The following RALGDS variants were observed in gnomAD, a reference collection of about 807,000 sequenced individuals.
RALGDS encodes ral guanine nucleotide exchange factor.
Under a neutral mutation model 99.8 loss-of-function variants are expected in RALGDS, and 44 were observed. The ratio of observed to expected loss-of-function variants is 0.44; its 90% confidence interval spans 0.35 to 0.57. The LOEUF is 0.57. Ranked by LOEUF, RALGDS falls within the 20% of genes least tolerant of loss-of-function variation. The pLI is 0.01. For synonymous variants in RALGDS, 529 were observed against 505.0 expected (o/e 1.05, Z -0.64); for missense variants, 1,022 against 1,203.1 (o/e 0.85, Z 2.23).
chr9:133,148,845 C>T, intron 1 of RALGDS: 1 of 1,315,072 alleles, frequency 7.6e-7, no homozygotes. Context: ...CGCGGAGCTG[C>T]GTAAGCGCAC....
chr9:133,110,194 C>G (rs534687432), intron 3 of RALGDS, 102 bp downstream of exon 3: 1 of 1,223,576 alleles, frequency 8.2e-7, no homozygotes, highest in Non-Finnish European at 1.2e-6. Context: ...ATGAGCAAAG[C>G]GAGGCTCAGA....
intron 1 of RALGDS, among the ~76,000 whole-genome samples, chr9:133,143,773 ACAACAACAACAAC>A (rs1312627643): frequency 1.0e-5 from 1 of 98,720 alleles, no homozygotes; most frequent in African/African-American, 5.9e-5. Context: ...AATAATAATA[ACAACAACAACAAC>A]AATAATAATA....
exon 1 of RALGDS, chr9:133,149,091 G>T: frequency 1.3e-6 from 1 of 748,838 alleles, no homozygotes; most frequent in Non-Finnish European, 1.7e-6. Flanking sequence ...CGGGGCTCAT[G>T]GCGCGGCCTC....
intron 14 of RALGDS, 123 bp from the exon 15 acceptor site, chr9:133,102,262 C>G: frequency 1.7e-6 from 2 of 1,180,002 alleles, no homozygotes; most frequent in Non-Finnish European, 2.4e-6. Flanking sequence ...CTCCATTCAC[C>G]ACAGCCATCT....
chr9:133,129,513 C>T (rs553214), intron 1 of RALGDS: 372,147 of 1,250,248 alleles, frequency 0.3, 58,241 homozygotes, highest in East Asian at 0.56. Context: ...CAGCCGAGGA[C>T]GAGTGGAGAG....
At chr9:133,099,635 T>TAAAC (rs1246210459) in intron 17 of RALGDS, 1 of 13,028 alleles carries the variant, frequency 7.7e-5, no homozygotes, top group African/African-American at 1.1e-4. Context: ...TGCATATATA[T>TAAAC]ACACATATAT....
chr9:133,131,535 C>T (rs190534287), upstream of RALGDS, among the ~76,000 whole-genome samples: 201 of 152,130 alleles, frequency 1.3e-3, no homozygotes, highest in Non-Finnish European at 2.4e-3. Flanking sequence ...CAGGACTCGG[C>T]CCCCAGTCAG....
At chr9:133,104,174 C>T (rs1364440265) in intron 10 of RALGDS, 89 bp downstream of exon 10, 3 of 1,362,040 alleles carry the variant, frequency 2.2e-6, no homozygotes, top group South Asian at 1.2e-5. Flanking sequence ...TCTAATGGGG[C>T]CCATAGGCAC....
intron 7 of RALGDS, 130 bp downstream of exon 7, chr9:133,106,955 G>A (rs1831094543): frequency 2.8e-6 from 3 of 1,066,218 alleles, no homozygotes; most frequent in Admixed American, 1.8e-5. Context: ...CAGGCAGTGG[G>A]CTGGGAGAGT....
At chr9:133,148,914 C>G (rs893595406) in intron 1 of RALGDS, 7 of 1,588,732 alleles carry the variant, frequency 4.4e-6, no homozygotes, top group Non-Finnish European at 6.0e-6. Flanking sequence ...CTGGGGCATA[C>G]GGTCCTCCCT....
chr9:133,138,350 C>T (rs1427513353), intron 1 of RALGDS, among the ~76,000 whole-genome samples: 1 of 152,216 alleles, frequency 6.6e-6, no homozygotes, highest in East Asian at 1.9e-4. Context: ...TGGCTCCTTC[C>T]TTGGCTTCTC....
chr9:133,117,128 G>C (rs1422545669), intron 1 of RALGDS, among the ~76,000 whole-genome samples: 1 of 152,166 alleles, frequency 6.6e-6, no homozygotes, highest in Non-Finnish European at 1.5e-5. Flanking sequence ...GAAGGGTCAG[G>C]CCGCTCCCCT....
intron 15 of RALGDS, 40 bp from the exon 16 acceptor site, chr9:133,101,802 T>C (rs1177056436): frequency 6.4e-7 from 1 of 1,569,254 alleles, no homozygotes; most frequent in Non-Finnish European, 8.6e-7. Flanking sequence ...CACTGCCCTG[T>C]GGGGGCACCC....
rs759622395 is a variant in RALGDS, at chr9:133,109,689, G to C, written c.521C>G (p.Ser174Cys). The C allele has an allele frequency of 1.2e-6, 2 of 1,613,998 alleles. No homozygotes were observed. The highest frequency in any genetic ancestry group is 2.2e-5 in the East Asian group (1 of 44,882). Residue 174 changes from serine to cysteine, a missense_variant, in exon 4 of 18, where the codon TCT becomes TGT. Transcript: ENST00000372050. ...ATAGGGGAGGATGCAGCCGTATCTAGAGGAGGCCGTGAGGGCGTCACATCT... is the reference window on the plus strand; with the variant it reads ...ATAGGGGAGGATGCAGCCGTATCTACAGGAGGCCGTGAGGGCGTCACATCT... Reference protein sequence around the residue: ...YGRCDALTASSRYGCILPYSD... With the variant: ...YGRCDALTASCRYGCILPYSD...
At chr9:133,140,748 C>T (rs1292343099) in intron 1 of RALGDS, among the ~76,000 whole-genome samples, 1 of 152,186 alleles carries the variant, frequency 6.6e-6, no homozygotes, top group African/African-American at 2.4e-5. Context: ...TCTTCCCTCC[C>T]ACCAACTGGC....
chr9:133,098,538 G>A lies in RALGDS; in HGVS notation c.*49C>T. 1 of 1,604,424 alleles carries A rather than the reference G, an allele frequency of 6.2e-7. No homozygotes were observed. Among genetic ancestry groups the A allele is most frequent in the Non-Finnish European group, 8.5e-7 (1 of 1,173,570 alleles). On this transcript the variant is annotated 3_prime_UTR_variant, in exon 18 of 18. Transcript: ENST00000372050. ...GCGCCCAGCTGGCCTGGGCCACTCT[G>A]GTCCATAAGTGCTTGGCTACCAGCC...
At chr9:133,100,976 T>G in intron 16 of RALGDS, 1 of 1,046,180 alleles carries the variant, frequency 9.6e-7, no homozygotes, top group Non-Finnish European at 1.2e-6. Flanking sequence ...TTACAAATGG[T>G]TCATCTGTCG....
Position 133,121,158 on chromosome 9 carries a change from A to C in RALGDS, c.-4T>G. 1 of 1,203,610 alleles carries C rather than the reference A, an allele frequency of 8.3e-7. No individual in the cohort carries two copies. Among genetic ancestry groups the C allele is most frequent in the Non-Finnish European group, 1.0e-6 (1 of 966,830 alleles). 74.6% of individuals were successfully genotyped at this position (1,203,610 alleles called of 1,614,324 possible). On this transcript the variant is annotated 5_prime_UTR_variant, in exon 1 of 18. Transcript: ENST00000372050. ...CGGCCCACATGCGCTGCACCATGGA[A>C]GGCTCGCAGCGCGGGCGCGGGGCCG...
upstream of RALGDS, among the ~76,000 whole-genome samples, chr9:133,122,666 A>T (rs141517651): frequency 4.4e-3 from 672 of 152,338 alleles, 4 homozygotes; most frequent in African/African-American, 0.015. Flanking sequence ...TACTTCTCTG[A>T]ATTTCTAATT....
Sources: gnomAD v4.1 joint callset for allele counts (sites outside exome capture counted in the v4.1 genomes callset) on GRCh38, gnomAD v4.1.1 for gene constraint, MANE v1.5 for transcripts, NCBI Gene and HGNC (gene_info 2026-07-23, HGNC 2026-07-21) for gene names.